Variants in PRMT8 observed in about 807,000 individuals in gnomAD.
PRMT8 encodes protein arginine N-methyltransferase 8.
Under a neutral mutation model 47.1 loss-of-function variants are expected in PRMT8, and 7 were observed. The ratio of observed to expected loss-of-function variants is 0.15; its 90% CI spans 0.08 to 0.28. PRMT8 has a LOEUF of 0.28. Among genes scored for constraint, PRMT8 ranks in the 10% least tolerant of loss-of-function variants. PRMT8 has a pLI of 1.00. For missense variants in PRMT8, 237 were observed against 505.4 expected, an observed-to-expected ratio of 0.47 and a Z score of 5.09; for synonymous variants, 188 against 186.5, an observed-to-expected ratio of 1.01 and a Z score of -0.07.
In PRMT8 at chr12:3,593,018, G is replaced by A; in HGVS notation, c.1102-81G>A. 2 of 1,102,092 alleles carry A rather than the reference G, an allele frequency of 1.8e-6. No homozygotes were observed. Among genetic ancestry groups the A allele is most frequent in the Admixed American group, 3.6e-5 (2 of 54,944 alleles). The allele number at this position is 1,102,092 out of a possible 1,614,324, so 68.3% of individuals were successfully genotyped here. A position where few individuals can be genotyped will look rare whatever the true frequency, so the allele number is the denominator to read the frequency against. ...GTGCTACCCATCCCTGTGGTTCCAGGAGCAGGTGGTGCCAGAGAGTGGGGC... is the reference window on the plus strand; with the variant it reads ...GTGCTACCCATCCCTGTGGTTCCAGAAGCAGGTGGTGCCAGAGAGTGGGGC... On this transcript the variant is annotated intron_variant, in intron 9 of 9. Coordinates refer to ENST00000382622, the MANE Select transcript of PRMT8 (RefSeq NM_019854.5). The surrounding 1 kb of genome is among the most constrained non-coding windows in gnomAD (Gnocchi z 4.8).
Position 3,540,610 on chromosome 12 carries a change from A to ACCGGCCCCC in PRMT8, c.81_82insCGGCCCCCC (p.Asn27_Ser28insArgProPro). 2.2e-6 allele frequency: 3 copies of ACCGGCCCCC among 1,346,184 alleles called. No individual in the cohort carries two copies. Among genetic ancestry groups the ACCGGCCCCC allele is most frequent in the Non-Finnish European group, 3.2e-6 (3 of 939,016 alleles). 83.4% of individuals were successfully genotyped at this position (1,346,184 alleles called of 1,614,324 possible). ...ACCCCCTTCTCTTCCCCTCAGGTGA[A>ACCGGCCCCC]CAGCCCCCCCTCCCAGCCCCCCCAG... On this transcript the variant is annotated inframe_insertion, in exon 2 of 10. Transcript: ENST00000382622.
chr12:3,472,329 T>C (rs545137027), intron 1 of PRMT8, among the ~76,000 whole-genome samples: 16 of 152,332 alleles, frequency 1.1e-4, no homozygotes, highest in African/African-American at 3.8e-4. Context: ...CCAAGTGGTA[T>C]TGTGAGCATA....
upstream of PRMT8, among the ~76,000 whole-genome samples, chr12:3,489,240 G>A (rs1371953547): frequency 6.6e-6 from 1 of 152,126 alleles, no homozygotes; most frequent in Admixed American, 6.5e-5. Flanking sequence ...CACACCCACT[G>A]AGGTTCTCAT....
intron 1 of PRMT8, among the ~76,000 whole-genome samples, chr12:3,461,222 G>T (rs1267153431): frequency 6.6e-6 from 1 of 152,198 alleles, no homozygotes; most frequent in African/African-American, 2.4e-5. Flanking sequence ...TTCTAGCAAA[G>T]CTCTTTGTAG....
At chr12:3,384,956 T>C (rs894828346) in intron 1 of PRMT8, among the ~76,000 whole-genome samples, 2 of 94,828 alleles carry the variant, frequency 2.1e-5, no homozygotes, top group African/African-American at 8.3e-5. Flanking sequence ...GTGTGGCGGG[T>C]GGGGGGCGGG....
At chr12:3,494,705 T>C (rs1865478895) in intron 1 of PRMT8, among the ~76,000 whole-genome samples, 2 of 152,140 alleles carry the variant, frequency 1.3e-5, no homozygotes, top group Non-Finnish European at 2.9e-5. Context: ...ACTACTTACA[T>C]TTTGACCAAA....
At chr12:3,559,446 G>A (rs559313259) in intron 4 of PRMT8, among the ~76,000 whole-genome samples, 238 of 152,266 alleles carry the variant, frequency 1.6e-3, no homozygotes, top group African/African-American at 5.4e-3. Flanking sequence ...TGGGGATTGT[G>A]TGTCTCTGAG....
intron 4 of PRMT8, among the ~76,000 whole-genome samples, chr12:3,559,775 G>A (rs192930222): frequency 1.2e-3 from 184 of 152,260 alleles, no homozygotes; most frequent in African/African-American, 4.1e-3. Context: ...CGTCCCACAT[G>A]GGCACCCTCC....
chr12:3,449,580 G>A (rs1864896726), intron 1 of PRMT8, among the ~76,000 whole-genome samples: 1 of 151,944 alleles, frequency 6.6e-6, no homozygotes, highest in Non-Finnish European at 1.5e-5. Context: ...TTTTTAATGG[G>A]GTTGTTTTTT....
chr12:3,462,313 G>C (rs1865050961), intron 1 of PRMT8, among the ~76,000 whole-genome samples: 1 of 152,002 alleles, frequency 6.6e-6, no homozygotes, highest in African/African-American at 2.4e-5. Flanking sequence ...AATGACAAAT[G>C]GGATAAAGAA....
intron 1 of PRMT8, chr12:3,381,569 CTCTGTT>C (rs1591533811): frequency 8.1e-6 from 7 of 861,718 alleles, no homozygotes; most frequent in Middle Eastern, 2.2e-4. Flanking sequence ...CTGCTCACGT[CTCTGTT>C]TCTAAGTTCA....
chr12:3,504,463 G>A (rs1210549330), intron 1 of PRMT8, among the ~76,000 whole-genome samples: 1 of 117,558 alleles, frequency 8.5e-6, no homozygotes, highest in Non-Finnish European at 2.1e-5. Context: ...ACCCTGCCGT[G>A]TGAGGTGTCA....
chr12:3,477,632 A>G (rs9634152), intron 1 of PRMT8, among the ~76,000 whole-genome samples: 115,328 of 152,118 alleles, frequency 0.76, 43,987 homozygotes, highest in Middle Eastern at 0.86. Flanking sequence ...TCTTTTTGAT[A>G]GTGTGCGCCA....
At chr12:3,480,638 G>A (rs1865264698) in intron 1 of PRMT8, among the ~76,000 whole-genome samples, 1 of 93,482 alleles carries the variant, frequency 1.1e-5, no homozygotes, top group Admixed American at 1.1e-4. Context: ...CCTGACTTTA[G>A]TTCAGTGCTT....
rs1866830522 is a variant in PRMT8, at chr12:3,570,734, C to G, written c.712+1170C>G. Among the ~76,000 whole-genome samples the G allele has an allele frequency of 6.6e-6, 1 of 152,168 alleles. No individual in the cohort carries two copies. The highest frequency in any genetic ancestry group is 2.1e-4 in the South Asian group (1 of 4,828). ...GTTCATGCCTTTCTGGAAATATAAA[C>G]TCAAAGTGTGAAGTTCAGAGCCAGG... On this transcript the variant is annotated intron_variant, in intron 6 of 9. Coordinates refer to ENST00000382622, the MANE Select transcript of PRMT8 (RefSeq NM_019854.5). This position sits in a 1 kb window ranked among gnomAD's most constrained non-coding sequence, Gnocchi z 5.5.
At chr12:3,490,710 AG>A (rs1462500907), upstream of PRMT8, among the ~76,000 whole-genome samples, 1 of 151,038 alleles carries the variant, frequency 6.6e-6, no homozygotes, top group Non-Finnish European at 1.5e-5. Flanking sequence ...AGAGAGAGAG[AG>A]AGAGAGAGAA....
chr12:3,504,989 T>TTTGA (rs1865595976), intron 1 of PRMT8, among the ~76,000 whole-genome samples: 1 of 120,548 alleles, frequency 8.3e-6, no homozygotes, highest in Non-Finnish European at 1.7e-5. Context: ...CACCCCTTTC[T>TTTGA]TTGACTCGGA....
At chr12:3,573,732 T>C (rs1866891441) in intron 6 of PRMT8, among the ~76,000 whole-genome samples, 2 of 152,170 alleles carry the variant, frequency 1.3e-5, no homozygotes, top group South Asian at 4.1e-4. Flanking sequence ...CATAGTATAG[T>C]CCTTTTTAGG....
At position 3,570,284 on chromosome 12, in the gene PRMT8, G is replaced by T. The variant is rs117174089; in HGVS notation, c.712+720G>T. Among the ~76,000 whole-genome samples the T allele has an allele frequency of 0.012, 1,801 of 152,266 alleles. 18 individuals are homozygous for T. The highest frequency in any genetic ancestry group is 0.015 in the Non-Finnish European group (1,045 of 68,026). On this transcript the variant is annotated intron_variant, in intron 6 of 9. Transcript: ENST00000382622. This position sits in a 1 kb window ranked among gnomAD's most constrained non-coding sequence, Gnocchi z 5.5. The stretch of plus-strand genomic sequence containing the variant: ...GCTGTTATCCTATTTCTCGTAAAGG[G>T]TGACACTTCTCTGTGACACAGGCCT...
Sources: allele counts gnomAD v4.1 joint callset (sites outside exome capture counted in the v4.1 genomes callset), GRCh38; gene constraint gnomAD v4.1.1; non-coding constraint Gnocchi (gnomAD v3.1); transcripts MANE v1.5; gene names NCBI Gene and HGNC (gene_info 2026-07-23, HGNC 2026-07-21).